The following SFMBT2 variants were observed in gnomAD, a reference collection of about 807,000 sequenced individuals.
SFMBT2 encodes the protein Scm like with four mbt domains 2.
A neutral mutation model predicts 110.1 loss-of-function variants in SFMBT2; 38 were observed. That is an observed-to-expected ratio of 0.35 (90% CI 0.27 to 0.45). SFMBT2 has a LOEUF of 0.45. Ranked by LOEUF, SFMBT2 falls within the 20% of genes least tolerant of loss-of-function variation. SFMBT2 has a pLI of 1.00. For missense variants in SFMBT2, 1,011 were observed against 1,094.9 expected (o/e 0.92, Z 1.08); for synonymous variants, 425 against 425.4 (o/e 1.00, Z 0.01).
intron 9 of SFMBT2, among the ~76,000 whole-genome samples, chr10:7,230,083 T>A (rs1840071727): frequency 6.6e-6 from 1 of 152,046 alleles, no homozygotes; most frequent in Non-Finnish European, 1.5e-5. Context: ...CTGTGCTTCT[T>A]GGGTCCCAGA....
chr10:7,401,542 A>G (rs1034704586), intron 1 of SFMBT2, among the ~76,000 whole-genome samples: 6 of 152,226 alleles, frequency 3.9e-5, no homozygotes, highest in African/African-American at 1.2e-4. Context: ...CAACGATGAA[A>G]GTAATTGACA....
At chr10:7,324,991 G>A (rs1323073706) in intron 4 of SFMBT2, among the ~76,000 whole-genome samples, 6 of 116,030 alleles carry the variant, frequency 5.2e-5, no homozygotes, top group East Asian at 2.5e-4. Context: ...TTTTTGAGAC[G>A]GAGTCTCGCT....
At chr10:7,345,117 G>A (rs966540100) in intron 4 of SFMBT2, among the ~76,000 whole-genome samples, 6 of 152,050 alleles carry the variant, frequency 3.9e-5, no homozygotes, top group Non-Finnish European at 7.4e-5. Context: ...AGGAACCTCC[G>A]TGGAGGGAAC....
intron 7 of SFMBT2, among the ~76,000 whole-genome samples, chr10:7,253,386 T>C (rs1840878739): frequency 6.6e-6 from 1 of 152,130 alleles, no homozygotes; most frequent in South Asian, 2.1e-4. Flanking sequence ...GCCCTTCACT[T>C]GTGGGGTCTG....
chr10:7,265,594 A>C (rs893244162), intron 7 of SFMBT2, among the ~76,000 whole-genome samples: 1 of 152,228 alleles, frequency 6.6e-6, no homozygotes, highest in Non-Finnish European at 1.5e-5. Flanking sequence ...TCTTCTTAGC[A>C]AAGAACTGAG....
chr10:7,227,990 C>T (rs1564394626), intron 9 of SFMBT2, 53 bp from the exon 10 acceptor site: 1 of 1,372,410 alleles, frequency 7.3e-7, no homozygotes, highest in East Asian at 2.5e-5. Context: ...AAATCCCAGA[C>T]AGATGAGCAA....
intron 7 of SFMBT2, among the ~76,000 whole-genome samples, chr10:7,261,579 A>G (rs1165490863): frequency 6.6e-6 from 1 of 152,220 alleles, no homozygotes; most frequent in Non-Finnish European, 1.5e-5. Flanking sequence ...ATTTACTTTT[A>G]GGAGAATCCA....
At chr10:7,213,441 G>A (rs1005403537) in intron 11 of SFMBT2, among the ~76,000 whole-genome samples, 31 of 152,038 alleles carry the variant, frequency 2.0e-4, no homozygotes, top group African/African-American at 6.8e-4. Flanking sequence ...GCGGAGGTCC[G>A]GACTGAAGTG....
intron 4 of SFMBT2, among the ~76,000 whole-genome samples, chr10:7,289,061 T>G (rs544918472): frequency 6.5e-4 from 97 of 150,318 alleles, no homozygotes; most frequent in Non-Finnish European, 1.3e-3. Context: ...TCACATGGAG[T>G]CTTTCCAGTA....
At chr10:7,326,321 C>T (rs1843383126) in intron 4 of SFMBT2, among the ~76,000 whole-genome samples, 1 of 152,222 alleles carries the variant, frequency 6.6e-6, no homozygotes, top group Admixed American at 6.5e-5. Context: ...TCAAGATCAC[C>T]AGGAACAATT....
At position 7,410,732 on chromosome 10, in the gene SFMBT2, C is replaced by CTTT. The variant is rs34712597; in HGVS notation, c.-52+126_-52+128dup. Reference sequence around the variant, plus strand: ...ACCCCAGCTCCCTCAGGCTTCCTTCCTTTTTTTTTTTTTCCTTTTTTTTCC... The same window carrying CTTT: ...ACCCCAGCTCCCTCAGGCTTCCTTCCTTTTTTTTTTTTTTTTCCTTTTTTTTCC... On this transcript the variant is annotated intron_variant, in intron 1 of 20. Transcript: ENST00000397167. Among the ~76,000 whole-genome samples the CTTT allele has an allele frequency of 7.6e-4, 106 of 138,804 alleles. No homozygotes were observed. In the Middle Eastern group the frequency reaches 0.014, roughly 19 times the overall value. The allele number at this position is 138,804 out of a possible 152,430, so 91.1% of individuals were successfully genotyped here.
Position 7,299,458 on chromosome 10 carries a change from C to G in SFMBT2, c.437-13504G>C, listed in dbSNP as rs114839212. Among the ~76,000 whole-genome samples, 417 of 152,248 alleles carry G rather than the reference C, an allele frequency of 2.7e-3. 3 individuals are homozygous for G. Among genetic ancestry groups the G allele is most frequent in the African/African-American group, 9.3e-3 (386 of 41,544 alleles). ...GACACTTCTCAAAAGCAGACATTTA[C>G]GTGGCCAACAAAGATATTTAAAAAA... On this transcript the variant is annotated intron_variant, in intron 4 of 20. Coordinates refer to ENST00000397167, the MANE Select transcript of SFMBT2 (RefSeq NM_001387889.1).
At position 7,163,575 on chromosome 10, in the gene SFMBT2, G is replaced by A; in HGVS notation, c.*195C>T. 1.7e-6 allele frequency: 1 copy of A among 572,512 alleles called. No homozygotes were observed. The highest frequency in any genetic ancestry group is 2.1e-5 in the South Asian group (1 of 46,870). The allele number at this position is 572,512 out of a possible 1,614,324, so 35.5% of individuals were successfully genotyped here. A position where few individuals can be genotyped will look rare whatever the true frequency, so the allele number is the denominator to read the frequency against. On this transcript the variant is annotated 3_prime_UTR_variant, in exon 21 of 21. Transcript: ENST00000397167. The surrounding 1 kb of genome is among the most constrained non-coding windows in gnomAD (Gnocchi z 4.8). ...TGACTTTAACTGGCACTCCCCAGAAGCGACTGCTGCTGTGCTTTGAAAACA... is the reference window on the plus strand; with the variant it reads ...TGACTTTAACTGGCACTCCCCAGAAACGACTGCTGCTGTGCTTTGAAAACA...
chr10:7,168,719 G>A (rs1837777653), intron 20 of SFMBT2, among the ~76,000 whole-genome samples: 1 of 152,226 alleles, frequency 6.6e-6, no homozygotes, highest in African/African-American at 2.4e-5. Flanking sequence ...CTTTAATTTT[G>A]TTTTCAAAAT....
At chr10:7,327,097 TG>T (rs1358563874) in intron 4 of SFMBT2, among the ~76,000 whole-genome samples, 7 of 150,088 alleles carry the variant, frequency 4.7e-5, no homozygotes, top group Middle Eastern at 3.2e-3. Context: ...CACTCTAATT[TG>T]GGCCACCAGA....
chr10:7,373,672 G>A (rs998433599), intron 2 of SFMBT2, among the ~76,000 whole-genome samples: 3 of 152,130 alleles, frequency 2.0e-5, no homozygotes, highest in Admixed American at 2.0e-4. Flanking sequence ...ATCCTAGAGA[G>A]GTTTCAAAGT....
intron 16 of SFMBT2, 191 bp from the exon 17 acceptor site, chr10:7,176,356 G>A: frequency 6.6e-6 from 4 of 604,318 alleles, no homozygotes; most frequent in Non-Finnish European, 8.3e-6. Flanking sequence ...TGCAACAAAT[G>A]TGTCGTAACA....
rs1837883197 is a variant in SFMBT2 at position 7,171,942 on chromosome 10, C to T, written c.2368G>A (p.Ala790Thr). ...RGRGAPAASS[A>T]EEGEKCPPTK... ...GGCGGGCACTTCTCCCCTTCCTCTGCTGAGGAGGCAGCCGGCGCCCCGCGG... is the reference window on the plus strand; with the variant it reads ...GGCGGGCACTTCTCCCCTTCCTCTGTTGAGGAGGCAGCCGGCGCCCCGCGG... The change falls in exon 19 of 21, where the codon GCA (alanine) becomes ACA (threonine). Residue 790 changes from alanine to threonine, a missense_variant. Ala to Thr is a moderately conservative substitution (Grantham distance 58). Around this residue, in one of 2 missense-constraint regions of SFMBT2, gnomAD observed 979 missense variants for 1,016.1 expected, o/e 0.96. Coordinates refer to ENST00000397167, the MANE Select transcript of SFMBT2 (RefSeq NM_001387889.1). This position sits in a 1 kb window ranked among gnomAD's most constrained non-coding sequence, Gnocchi z 4.9. 2.7e-6 allele frequency: 4 copies of T among 1,465,134 alleles called. No homozygotes were observed. Among genetic ancestry groups the T allele is most frequent in the Middle Eastern group, 2.2e-4 (1 of 4,558 alleles). The allele number at this position is 1,465,134 out of a possible 1,614,324, so 90.8% of individuals were successfully genotyped here.
chr10:7,207,784 A>G (rs938371806), intron 11 of SFMBT2, among the ~76,000 whole-genome samples: 1 of 152,222 alleles, frequency 6.6e-6, no homozygotes, highest in African/African-American at 2.4e-5. Flanking sequence ...TACTTGCTAA[A>G]CGTGGGGTCC....
Sources: gnomAD v4.1 joint callset for allele counts (sites outside exome capture counted in the v4.1 genomes callset) on GRCh38, gnomAD v4.1.1 for gene constraint, gnomAD v4.1.1 regional missense constraint, Gnocchi (gnomAD v3.1) non-coding constraint, MANE v1.5 for transcripts, NCBI Gene and HGNC (gene_info 2026-07-23, HGNC 2026-07-21) for gene names.